Variants in DIAPH3 observed in about 807,000 individuals in gnomAD.
DIAPH3 encodes the protein diaphanous related formin 3, also known as protein diaphanous homolog 3.
A neutral mutation model predicts 144.3 loss-of-function variants in DIAPH3; 117 were observed. That is an observed-to-expected ratio of 0.81 (90% CI 0.70 to 0.95). DIAPH3 has a LOEUF of 0.95. DIAPH3 is among the 40% of genes least tolerant of loss of function. The pLI, the probability that DIAPH3 is intolerant of heterozygous loss-of-function variation, is 0.00. For missense variants in DIAPH3, 1,421 were observed against 1,412.7 expected (o/e 1.01, Z -0.09); for synonymous variants, 519 against 488.9 (o/e 1.06, Z -0.81).
intron 27 of DIAPH3, among the ~76,000 whole-genome samples, chr13:59,705,829 C>T (rs1238918049): frequency 6.6e-6 from 1 of 152,018 alleles, no homozygotes; most frequent in Non-Finnish European, 1.5e-5. Flanking sequence ...TTCTCAAATC[C>T]TGTATTTCAT....
chr13:59,892,179 C>A (rs547274497), intron 20 of DIAPH3, among the ~76,000 whole-genome samples: 1 of 151,780 alleles, frequency 6.6e-6, no homozygotes, highest in Non-Finnish European at 1.5e-5. Context: ...AAGAGGGTAA[C>A]ATAGATAGAG....
At chr13:60,019,490 A>C (rs1029639875) in intron 5 of DIAPH3, among the ~76,000 whole-genome samples, 8 of 152,170 alleles carry the variant, frequency 5.3e-5, no homozygotes, top group African/African-American at 1.7e-4. Flanking sequence ...AGGAAATATT[A>C]AACTCTTCTA....
chr13:60,042,479 GGCTT>G (rs2055747108), intron 5 of DIAPH3, among the ~76,000 whole-genome samples: 1 of 151,280 alleles, frequency 6.6e-6, no homozygotes, highest in Admixed American at 6.6e-5. Context: ...GTGGGCAAAA[GGCTT>G]TTTTACAGTC....
chr13:59,884,271 C>T (rs771675712), intron 20 of DIAPH3, among the ~76,000 whole-genome samples: 1 of 152,090 alleles, frequency 6.6e-6, no homozygotes, highest in Non-Finnish European at 1.5e-5. Context: ...CATTTAGTTG[C>T]AGGAAAACAA....
At chr13:59,755,856 A>C (rs2037229094) in intron 27 of DIAPH3, among the ~76,000 whole-genome samples, 1 of 152,190 alleles carries the variant, frequency 6.6e-6, no homozygotes, top group South Asian at 2.1e-4. Context: ...ACAGGATATG[A>C]CATAGAATTA....
At chr13:59,983,289 T>C (rs2051150711) in intron 13 of DIAPH3, among the ~76,000 whole-genome samples, 1 of 151,282 alleles carries the variant, frequency 6.6e-6, no homozygotes, top group Non-Finnish European at 1.5e-5. Context: ...ATTGAACTCT[T>C]TTAATAGATC....
intron 25 of DIAPH3, among the ~76,000 whole-genome samples, chr13:59,780,003 C>T (rs916134694): frequency 6.6e-6 from 1 of 152,022 alleles, no homozygotes; most frequent in African/African-American, 2.4e-5. Context: ...ACATGTTCAC[C>T]TGGCATATGG....
At chr13:60,055,562 A>G (rs1392007123) in intron 4 of DIAPH3, among the ~76,000 whole-genome samples, 1 of 151,930 alleles carries the variant, frequency 6.6e-6, no homozygotes, top group East Asian at 1.9e-4. Flanking sequence ...TCCCATAGCC[A>G]GAGAATACTA....
At chr13:59,739,659 G>C (rs1175711952) in intron 27 of DIAPH3, among the ~76,000 whole-genome samples, 1 of 152,080 alleles carries the variant, frequency 6.6e-6, no homozygotes, top group South Asian at 2.1e-4. Context: ...GAGACATAGA[G>C]AGATTAAACA....
At chr13:59,981,198 A>T (rs1432547722) in intron 13 of DIAPH3, among the ~76,000 whole-genome samples, 2 of 151,446 alleles carry the variant, frequency 1.3e-5, no homozygotes, top group Non-Finnish European at 3.0e-5. Context: ...GCTTAAAAAA[A>T]ACAGCCAACA....
intron 3 of DIAPH3, among the ~76,000 whole-genome samples, chr13:60,097,788 AAGAG>A (rs368169240): frequency 0.019 from 2,824 of 151,428 alleles, 80 homozygotes; most frequent in African/African-American, 0.064. Context: ...GAAAAAAAAA[AAGAG>A]AGAGAGAGAG....
intron 22 of DIAPH3, among the ~76,000 whole-genome samples, chr13:59,856,037 T>G (rs566744575): frequency 3.0e-4 from 46 of 152,310 alleles, no homozygotes; most frequent in African/African-American, 1.1e-3. Context: ...AGAATTTTCA[T>G]GAATATATTT....
In DIAPH3 at chr13:59,707,650, C is replaced by T. The variant is rs1012046586; in HGVS notation, c.3320-40804G>A. ...GGTGGTTTAAATATACTGTACGATT[C>T]GAAAAAAGCTTTTATTAAATTCTTA... On this transcript the variant is annotated intron_variant, in intron 27 of 27. Coordinates refer to ENST00000400324, the MANE Select transcript of DIAPH3 (RefSeq NM_001042517.2). 6.6e-5 allele frequency among the ~76,000 whole-genome samples: 10 copies of T among 151,810 alleles called. No individual in the cohort carries two copies. The East Asian group carries it at 7.7e-4, about 12-fold the overall frequency.
intron 13 of DIAPH3, among the ~76,000 whole-genome samples, chr13:59,981,689 T>C (rs780437445): frequency 6.6e-5 from 10 of 151,360 alleles, no homozygotes; most frequent in Non-Finnish European, 1.5e-4. Context: ...TATAAAAATA[T>C]ATTACAGAAG....
At chr13:60,041,652 A>G (rs2055674902) in intron 5 of DIAPH3, among the ~76,000 whole-genome samples, 1 of 152,158 alleles carries the variant, frequency 6.6e-6, no homozygotes, top group Non-Finnish European at 1.5e-5. Flanking sequence ...CTCCAATTAT[A>G]GTATGCAATT....
chr13:59,669,816 A>C (rs970211945), intron 27 of DIAPH3, among the ~76,000 whole-genome samples: 22 of 152,066 alleles, frequency 1.4e-4, no homozygotes, highest in African/African-American at 4.1e-4. Context: ...AATTGCCCAT[A>C]CTTACTCTCT....
chr13:59,748,518 T>C (rs1162112594), intron 27 of DIAPH3, among the ~76,000 whole-genome samples: 4 of 152,244 alleles, frequency 2.6e-5, no homozygotes, highest in Non-Finnish European at 5.9e-5. Flanking sequence ...AATATCATTA[T>C]TGATCCATTT....
intron 13 of DIAPH3, among the ~76,000 whole-genome samples, chr13:59,981,709 T>C (rs1025583811): frequency 6.6e-6 from 1 of 151,340 alleles, no homozygotes; most frequent in African/African-American, 2.4e-5. Context: ...GAATTTATAA[T>C]AAAAAATAAG....
At chr13:60,029,783 T>A (rs898110116) in intron 5 of DIAPH3, among the ~76,000 whole-genome samples, 6 of 152,184 alleles carry the variant, frequency 3.9e-5, no homozygotes, top group African/African-American at 1.4e-4. Flanking sequence ...ACACTTCCTG[T>A]GGCAGTTAAA....
Sources: allele counts gnomAD v4.1 joint callset (sites outside exome capture counted in the v4.1 genomes callset), GRCh38; gene constraint gnomAD v4.1.1; transcripts MANE v1.5; gene names NCBI Gene and HGNC (gene_info 2026-07-23, HGNC 2026-07-21).